Variants in THG1L observed in about 807,000 individuals in gnomAD.
THG1L encodes probable tRNA(His) guanylyltransferase.
A neutral mutation model predicts 35.2 loss-of-function variants in THG1L; 27 were observed. That is an observed-to-expected ratio of 0.77 (90% CI 0.57 to 1.06). The LOEUF is 1.06. THG1L is among the 50% of genes least tolerant of loss of function. The pLI is 0.00. For missense variants in THG1L, 377 were observed against 371.8 expected, an observed-to-expected ratio of 1.01 and a Z score of -0.12; for synonymous variants, 135 against 132.4, an observed-to-expected ratio of 1.02 and a Z score of -0.14.
chr5:157,732,215 C>CAAAAAAAAAAAAAAAAAAAA lies in THG1L; in HGVS notation c.191+594_191+613dup, dbSNP rs34744387. Among the ~76,000 whole-genome samples, 4 of 53,898 alleles carry CAAAAAAAAAAAAAAAAAAAA rather than the reference C, an allele frequency of 7.4e-5. 1 individual carries two copies. Among genetic ancestry groups the CAAAAAAAAAAAAAAAAAAAA allele is most frequent in the Non-Finnish European group, 1.2e-4 (4 of 32,586 alleles). The allele number at this position is 53,898 out of a possible 152,430, so 35.4% of individuals were successfully genotyped here. On this transcript the variant is annotated intron_variant, in intron 1 of 5. Transcript: ENST00000231198. ...TGTTGTTTGTGAAACTCCGCCACTA[C>CAAAAAAAAAAAAAAAAAAAA]AAAAAAAAAAAAAAAAAAAAAAAAA...
In THG1L at chr5:157,737,917, T is replaced by A. The variant is rs1199186218; in HGVS notation, c.658T>A (p.Leu220Met). Residue 220 changes from leucine to methionine, a missense_variant, in exon 5 of 6, where the codon TTG (leucine) becomes ATG (methionine). Leu to Met is a conservative substitution (Grantham distance 15, BLOSUM62 2). Coordinates refer to ENST00000231198, the MANE Select transcript of THG1L (RefSeq NM_017872.5). ...GTLAADKNEI[L>M]FSEFNINYNN... The stretch of plus-strand genomic sequence containing the variant: ...TCTTGCAGCAGACAAGAATGAGATT[T>A]TGTTTTCTGAATTCAACATCAACTA... The A allele has an allele frequency of 1.1e-5, 17 of 1,613,194 alleles. No homozygotes were observed. The highest frequency in any genetic ancestry group is 1.3e-5 in the African/African-American group (1 of 74,860).
chr5:157,733,318 A>G (rs1760779359), intron 2 of THG1L, among the ~76,000 whole-genome samples: 1 of 152,228 alleles, frequency 6.6e-6, no homozygotes, highest in South Asian at 2.1e-4. Flanking sequence ...CAGAGACTAT[A>G]AGAATGTAAT....
rs1442772175 is a variant in THG1L, at chr5:157,732,227, AAAAAAAAAAAAAAAAAAGAG to A, written c.191+598_191+617del. ...AACTCCGCCACTACAAAAAAAAAAA[AAAAAAAAAAAAAAAAAAGAG>A]AGAGAGAGAGAGAAAGAAGGAAGAG... On this transcript the variant is annotated intron_variant, in intron 1 of 5. Transcript: ENST00000231198. Among the ~76,000 whole-genome samples the A allele has an allele frequency of 6.2e-5, 8 of 129,536 alleles. No individual in the cohort carries two copies. The East Asian group carries it at 1.8e-3, about 29-fold the overall frequency. The allele number at this position is 129,536 out of a possible 152,430, so 85.0% of individuals were successfully genotyped here.
Position 157,731,436 on chromosome 5 carries a change from G to A in THG1L, c.-5G>A, listed in dbSNP as rs1218059998. On this transcript the variant is annotated 5_prime_UTR_variant, in exon 1 of 6. Coordinates refer to ENST00000231198, the MANE Select transcript of THG1L (RefSeq NM_017872.5). ...CTATCTGGCCCTTTCCTTTCCGCGT[G>A]TAGAATGTGGGGCGCCTGTAAAGTT... is the stretch of plus-strand genomic sequence containing the variant. 3.2e-6 allele frequency: 5 copies of A among 1,584,150 alleles called. No individual in the cohort carries two copies. Among genetic ancestry groups the A allele is most frequent in the Non-Finnish European group, 4.3e-6 (5 of 1,163,712 alleles).
intron 1 of THG1L, 88 bp from the exon 2 acceptor site, chr5:157,732,780 C>T: frequency 6.7e-7 from 1 of 1,499,982 alleles, no homozygotes; most frequent in Non-Finnish European, 9.1e-7. Flanking sequence ...CATTATCTTC[C>T]TCCAAACAGC....
intron 5 of THG1L, 58 bp downstream of exon 5, chr5:157,738,052 A>G: frequency 7.1e-7 from 1 of 1,401,880 alleles, no homozygotes; most frequent in Admixed American, 1.8e-5. Flanking sequence ...GCCTGTGCCC[A>G]TTCCAAGCTG....
intron 4 of THG1L, among the ~76,000 whole-genome samples, chr5:157,736,139 C>T (rs998176879): frequency 5.9e-5 from 9 of 152,126 alleles, no homozygotes; most frequent in Admixed American, 5.9e-4. Flanking sequence ...CTCCCTGAGC[C>T]TTTGTGTTCT....
chr5:157,734,598 TC>T lies in THG1L; in HGVS notation c.394del (p.Gln132SerfsTer38). 1 of 1,614,136 alleles carries T rather than the reference TC, an allele frequency of 6.2e-7. No homozygotes were observed. Among genetic ancestry groups the T allele is most frequent in the Non-Finnish European group, 8.5e-7 (1 of 1,180,016 alleles). On this transcript the variant is annotated frameshift_variant, in exon 3 of 6. Transcript: ENST00000231198. LOFTEE classifies it high-confidence loss of function. ...AAGTAAGTTCATGACTCACGTGGCCTCCCAGTTTGCCTCCAGCTATGTGTTT... is the reference window on the plus strand; with the variant it reads ...AAGTAAGTTCATGACTCACGTGGCCTCCAGTTTGCCTCCAGCTATGTGTTT... ...RASKFMTHVA[S>X]QFASSYVFYW... is the part of the protein sequence containing the mutation.
In THG1L at chr5:157,732,901, T is replaced by C. The variant is rs1452083643; in HGVS notation, c.225T>C (p.Asn75=). The change falls in exon 2 of 6, where the codon AAT becomes AAC. Residue 75 remains asparagine, a synonymous_variant. Coordinates refer to ENST00000231198, the MANE Select transcript of THG1L (RefSeq NM_017872.5). ...AGAAGCACAACTTTGCAAAACCCAATGACAGCCGTGCTCTCCAGCTGATGA... is the reference window on the plus strand; with the variant it reads ...AGAAGCACAACTTTGCAAAACCCAACGACAGCCGTGCTCTCCAGCTGATGA... The part of the protein sequence containing the change: ...FAEKHNFAKP[N]DSRALQLMTK... 8.7e-6 allele frequency: 14 copies of C among 1,614,206 alleles called. No homozygotes were observed. The highest frequency in any genetic ancestry group is 1.1e-5 in the Non-Finnish European group (13 of 1,180,014).
rs533615523 is a variant in THG1L at position 157,731,515 on chromosome 5, A to G, written c.75A>G (p.Arg25=). Residue 25 remains arginine (R), a synonymous_variant, in exon 1 of 6, where the codon AGA becomes AGG. Transcript: ENST00000231198. ...CCATCACTCTGAGACGGTACCTGAG[A>G]TTGGGGGCGACCATGGCAAAAAGCA... ...TISITLRRYL[R]LGATMAKSKF... The G allele has an allele frequency of 2.3e-5, 37 of 1,612,874 alleles. No homozygotes were observed. The South Asian group carries it at 4.1e-4, about 18-fold the overall frequency.
rs1389714345 is a variant in THG1L, at chr5:157,732,994, G to A, written c.318G>A (p.Glu106=). The A allele has an allele frequency of 6.2e-6, 10 of 1,614,200 alleles. No homozygotes were observed. Among genetic ancestry groups the A allele is most frequent in the Non-Finnish European group, 7.6e-6 (9 of 1,180,044 alleles). The change falls in exon 2 of 6, where the codon GAG becomes GAA. Residue 106 remains glutamate, a synonymous_variant. Coordinates refer to ENST00000231198, the MANE Select transcript of THG1L (RefSeq NM_017872.5). ...DIVIAYGQSD[E]YSFVFKRKTN... ...TGATCGCGTATGGACAGAGTGATGA[G>A]TACAGCTTTGTGTTCAAGCGGAAAA...
intron 1 of THG1L, 89 bp from the exon 2 acceptor site, chr5:157,732,779 C>A: frequency 6.7e-7 from 1 of 1,486,552 alleles, no homozygotes; most frequent in Non-Finnish European, 9.2e-7. Flanking sequence ...ACATTATCTT[C>A]CTCCAAACAG....
chr5:157,738,038 G>T (rs1376631157), intron 5 of THG1L, 44 bp downstream of exon 5: 1 of 1,501,970 alleles, frequency 6.7e-7, no homozygotes. Context: ...CAGGAAAAAA[G>T]ATAGCCTGTG....
intron 4 of THG1L, among the ~76,000 whole-genome samples, chr5:157,736,351 G>C (rs1760889112): frequency 1.3e-5 from 2 of 151,802 alleles, no homozygotes; most frequent in South Asian, 4.1e-4. Context: ...CTGTGCTCAA[G>C]CGATTCTCGT....
intron 3 of THG1L, among the ~76,000 whole-genome samples, chr5:157,735,599 C>A (rs1395066270): frequency 1.3e-5 from 2 of 152,172 alleles, no homozygotes; most frequent in Non-Finnish European, 2.9e-5. Context: ...GATTAACACA[C>A]AAGTTAACAG....
intron 1 of THG1L, 105 bp from the exon 2 acceptor site, chr5:157,732,763 G>T: frequency 7.4e-7 from 1 of 1,356,336 alleles, no homozygotes; most frequent in Non-Finnish European, 1.0e-6. Context: ...AGTTCACAGT[G>T]CTATTACATT....
chr5:157,738,124 G>T, intron 5 of THG1L, 130 bp downstream of exon 5: 1 of 672,996 alleles, frequency 1.5e-6, no homozygotes, highest in Admixed American at 3.3e-5. Flanking sequence ...CTTTCCAAGA[G>T]GAGAGGCCAT....
rs1286762736 is a variant in THG1L at position 157,732,849 on chromosome 5, C to G, written c.192-19C>G. 6.2e-7 allele frequency: 1 copy of G among 1,613,724 alleles called. No individual in the cohort carries two copies. The highest frequency in any genetic ancestry group is 2.2e-5 in the East Asian group (1 of 44,876). On this transcript the variant is annotated intron_variant, in intron 1 of 5. Coordinates refer to ENST00000231198, the MANE Select transcript of THG1L (RefSeq NM_017872.5). ...GACAGGCTTCCATCCATGCTTTCTT[C>G]CCTTTTTCCCCTGTGAAGGTTTGCT...
intron 4 of THG1L, among the ~76,000 whole-genome samples, chr5:157,736,786 T>G (rs1207585108): frequency 6.6e-6 from 1 of 152,246 alleles, no homozygotes; most frequent in East Asian, 1.9e-4. Flanking sequence ...AGTTTCTACC[T>G]CATAGGTTTA....
Sources: allele counts gnomAD v4.1 joint callset (sites outside exome capture counted in the v4.1 genomes callset), GRCh38; gene constraint gnomAD v4.1.1; transcripts MANE v1.5; gene names NCBI Gene and HGNC (gene_info 2026-07-23, HGNC 2026-07-21).